Variants in GRIN2A observed in about 807,000 individuals in gnomAD.
The protein encoded by GRIN2A is glutamate receptor ionotropic, NMDA 2A.
A neutral mutation model predicts 113.4 loss-of-function variants in GRIN2A; 22 were observed. That is an observed-to-expected ratio of 0.19 (90% CI 0.14 to 0.28). The LOEUF (loss-of-function observed/expected upper bound fraction) is 0.28, where lower values mean the gene tolerates loss of function less well. GRIN2A is among the 10% of genes least tolerant of loss of function. The pLI is 1.00. For missense variants in GRIN2A, 1,502 were observed against 1,887.0 expected, an observed-to-expected ratio of 0.80 and a Z score of 3.78; for synonymous variants, 827 against 738.4, an observed-to-expected ratio of 1.12 and a Z score of -1.94.
intron 2 of GRIN2A, chr16:9,943,344 G>T (rs182135920): frequency 1.3e-5 from 2 of 152,276 alleles, no homozygotes; most frequent in African/African-American, 4.8e-5. Flanking sequence ...GAGGGAGGCA[G>T]GAGGGTGTGG....
intron 12 of GRIN2A, among the ~76,000 whole-genome samples, chr16:9,766,717 A>G (rs932534053): frequency 4.6e-5 from 7 of 152,298 alleles, no homozygotes; most frequent in Admixed American, 2.6e-4. Flanking sequence ...GGGAGACTCC[A>G]TCTCAAAAAA....
intron 1 of GRIN2A, among the ~76,000 whole-genome samples, chr16:10,181,167 T>TCACTGAACTGCAAGTGGGCCCAGGACC (rs59151958): frequency 6.6e-6 from 1 of 151,816 alleles, no homozygotes; most frequent in Non-Finnish European, 1.5e-5. Flanking sequence ...GGAGAGTCCT[T>TCACTGAACTGCAAGTGGGCCCAGGACC]CACCCCTACA....
chr16:9,887,859 G>C (rs1224285842), intron 4 of GRIN2A, among the ~76,000 whole-genome samples: 1 of 152,112 alleles, frequency 6.6e-6, no homozygotes, highest in Non-Finnish European at 1.5e-5. Context: ...AAGAGTCTGA[G>C]ACCAGCCTGG....
chr16:9,934,259 A>G (rs2044661245), intron 3 of GRIN2A, among the ~76,000 whole-genome samples: 1 of 152,168 alleles, frequency 6.6e-6, no homozygotes, highest in South Asian at 2.1e-4. Context: ...TTGTCTTTAG[A>G]TAAATTTCCC....
intron 2 of GRIN2A, among the ~76,000 whole-genome samples, chr16:10,169,764 T>C (rs2050002009): frequency 6.6e-6 from 1 of 152,168 alleles, no homozygotes. Context: ...ACTCTGTTAC[T>C]TGCACCTGAA....
At chr16:10,174,018 A>G (rs1596579929) in intron 2 of GRIN2A, among the ~76,000 whole-genome samples, 1 of 152,208 alleles carries the variant, frequency 6.6e-6, no homozygotes, top group Admixed American at 6.5e-5. Flanking sequence ...ATAGAGAGTA[A>G]TCCCTAAAAA....
intron 2 of GRIN2A, among the ~76,000 whole-genome samples, chr16:9,962,231 G>A (rs2045457012): frequency 6.6e-6 from 1 of 152,118 alleles, no homozygotes; most frequent in South Asian, 2.1e-4. Context: ...AACACCAAAA[G>A]CAATGGCAAC....
chr16:9,847,511 G>T (rs2042793105), intron 5 of GRIN2A, among the ~76,000 whole-genome samples: 1 of 151,998 alleles, frequency 6.6e-6, no homozygotes, highest in Non-Finnish European at 1.5e-5. Flanking sequence ...AATGCAGTGA[G>T]CCGTGATCAC....
At chr16:10,105,228 GAC>G (rs777985770) in intron 2 of GRIN2A, among the ~76,000 whole-genome samples, 1 of 152,100 alleles carries the variant, frequency 6.6e-6, no homozygotes, top group Non-Finnish European at 1.5e-5. Flanking sequence ...CAGCAATGCT[GAC>G]CACGACCATT....
chr16:9,928,552 A>T (rs904328666), intron 3 of GRIN2A, among the ~76,000 whole-genome samples: 1 of 151,966 alleles, frequency 6.6e-6, no homozygotes. Flanking sequence ...TCACTCCCTC[A>T]TCTCTCCAGA....
intron 2 of GRIN2A, among the ~76,000 whole-genome samples, chr16:10,130,990 T>C (rs530440508): frequency 6.6e-6 from 1 of 152,164 alleles, no homozygotes; most frequent in South Asian, 2.1e-4. Flanking sequence ...GCCCTCAAGG[T>C]TCAGGAGGCA....
chr16:9,862,024 G>C (rs926583172), intron 4 of GRIN2A, among the ~76,000 whole-genome samples: 2 of 152,206 alleles, frequency 1.3e-5, no homozygotes, highest in Non-Finnish European at 1.5e-5. Context: ...CAGTAGATCT[G>C]GGATAAGGTG....
chr16:10,077,643 A>G (rs1375242114), intron 2 of GRIN2A, among the ~76,000 whole-genome samples: 3 of 152,208 alleles, frequency 2.0e-5, no homozygotes, highest in Non-Finnish European at 4.4e-5. Flanking sequence ...CAGTCCTACA[A>G]GGCCCTTTAG....
At chr16:9,912,829 TG>T (rs1241077542) in intron 3 of GRIN2A, among the ~76,000 whole-genome samples, 2 of 152,236 alleles carry the variant, frequency 1.3e-5, no homozygotes, top group Non-Finnish European at 2.9e-5. Flanking sequence ...CAAATGCTAT[TG>T]AATTTCATAT....
intron 8 of GRIN2A, among the ~76,000 whole-genome samples, chr16:9,831,127 T>G (rs887015068): frequency 2.0e-5 from 3 of 151,962 alleles, no homozygotes; most frequent in African/African-American, 7.3e-5. Context: ...TTCCCAAGAG[T>G]TGCCACAGCA....
intron 2 of GRIN2A, among the ~76,000 whole-genome samples, chr16:10,137,431 C>G (rs947555619): frequency 6.6e-6 from 1 of 152,184 alleles, no homozygotes; most frequent in Admixed American, 6.5e-5. Context: ...AGCCATATCA[C>G]CCACACCTGG....
chr16:9,863,398 T>C (rs1021033570), intron 4 of GRIN2A, among the ~76,000 whole-genome samples: 5 of 148,398 alleles, frequency 3.4e-5, no homozygotes, highest in Admixed American at 1.3e-4. Flanking sequence ...GGTCTTACAG[T>C]GTGCTTTTAC....
intron 11 of GRIN2A, among the ~76,000 whole-genome samples, chr16:9,770,802 G>C (rs905031095): frequency 6.6e-6 from 1 of 152,032 alleles, no homozygotes; most frequent in African/African-American, 2.4e-5. Flanking sequence ...TTTTAGAGTG[G>C]TTTTATAGTT....
At chr16:9,797,548 C>T (rs1368656702) in intron 11 of GRIN2A, among the ~76,000 whole-genome samples, 1 of 152,178 alleles carries the variant, frequency 6.6e-6, no homozygotes, top group Non-Finnish European at 1.5e-5. Context: ...ATTGCCTTTC[C>T]TTCATTCCTC....
Sources: gnomAD v4.1 joint callset for allele counts (sites outside exome capture counted in the v4.1 genomes callset) on GRCh38, gnomAD v4.1.1 for gene constraint, MANE v1.5 for transcripts, NCBI Gene and HGNC (gene_info 2026-07-23, HGNC 2026-07-21) for gene names.